The following NOC2L variants were observed in gnomAD, a reference collection of about 807,000 sequenced individuals.
The protein encoded by NOC2L is NOC2 like nucleolar associated transcriptional repressor.
NOC2L carries 101 observed loss-of-function variants against 94.2 expected under a neutral mutation model. The ratio of observed to expected loss-of-function variants is 1.07; its 90% CI spans 0.91 to 1.26. The LOEUF (loss-of-function observed/expected upper bound fraction) is 1.26, where lower values mean the gene tolerates loss of function less well. NOC2L is among the 50% of genes most tolerant of loss of function. The pLI, the probability that NOC2L is intolerant of heterozygous loss-of-function variation, is 0.00. For missense variants in NOC2L, 1,076 were observed against 980.1 expected (o/e 1.10, Z -1.31); for synonymous variants, 531 against 413.4 (o/e 1.28, Z -3.45).
At chr1:945,695 G>A (rs1191279052) in intron 16 of NOC2L, 42 bp from the exon 17 acceptor site, 10 of 1,613,700 alleles carry the variant, frequency 6.2e-6, no homozygotes, top group South Asian at 1.1e-5. Context: ...AGAGAGGGCA[G>A]GGGCTGGCGG....
chr1:948,352 G>A (rs1433897492), intron 13 of NOC2L, 120 bp from the exon 14 acceptor site: 1 of 1,057,402 alleles, frequency 9.5e-7, no homozygotes, highest in African/African-American at 1.6e-5. Flanking sequence ...CAAGGAAGGG[G>A]CTCCTGGGCC....
Position 953,801 on chromosome 1 carries a change from T to C in NOC2L, c.869A>G (p.Gln290Arg), listed in dbSNP as rs751223299. The stretch of plus-strand genomic sequence containing the variant: ...ACGAACCTTGAGCAGCATGCGGCAC[T>C]GCTTGGGGAAGGTCAGGAAGCAGGG... ...LVPCFLTFPK[Q>R]CRMLLKRMVI... Residue 290 changes from glutamine to arginine, a missense_variant, in exon 8 of 19, where the codon CAG (glutamine) becomes CGG (arginine). This residue lies in a region of NOC2L where 457 missense variants were observed against 386.0 expected (regional missense o/e 1.18). Transcript: ENST00000327044. 26 of 1,612,536 alleles carry C rather than the reference T, an allele frequency of 1.6e-5. No individual in the cohort carries two copies. The highest frequency in any genetic ancestry group is 2.0e-5 in the Non-Finnish European group (24 of 1,179,886).
chr1:958,669 C>A, intron 2 of NOC2L: 2 of 673,928 alleles, frequency 3.0e-6, no homozygotes, highest in Non-Finnish European at 5.5e-6. Flanking sequence ...GTGATTTCAC[C>A]CAAGAACGTG....
At chr1:955,831 G>T in intron 6 of NOC2L, 92 bp downstream of exon 6, 1 of 1,090,210 alleles carries the variant, frequency 9.2e-7, no homozygotes, top group Non-Finnish European at 1.4e-6. Flanking sequence ...CTGTTGCCAT[G>T]TCTCTGTCCT....
chr1:948,729 C>CCCTTTGGCCCTGCACCTGGCTGGA lies in NOC2L; in HGVS notation c.1444-127_1444-126insTCCAGCCAGGTGCAGGGCCAAAGG, dbSNP rs1409697448. ...CTGGCTGCACCCTGGTCACCCTGGT[C>CCCTTTGGCCCTGCACCTGGCTGGA]CTCAGGCTTCAGCACGAGGAGACCC... is the stretch of plus-strand genomic sequence containing the variant. On this transcript the variant is annotated intron_variant, in intron 12 of 18. Coordinates refer to ENST00000327044, the MANE Select transcript of NOC2L (RefSeq NM_015658.4). 6.6e-5 allele frequency: 44 copies of CCCTTTGGCCCTGCACCTGGCTGGA among 663,064 alleles called. 3 individuals carry two copies. Among genetic ancestry groups the CCCTTTGGCCCTGCACCTGGCTGGA allele is most frequent in the Non-Finnish European group, 8.7e-5 (32 of 369,454 alleles). 41.1% of individuals were successfully genotyped at this position (663,064 alleles called of 1,614,324 possible). A position where few individuals can be genotyped will look rare whatever the true frequency, so the allele number is the denominator to read the frequency against.
intron 14 of NOC2L, chr1:946,824 G>A: frequency 3.2e-6 from 1 of 313,358 alleles, no homozygotes; most frequent in Non-Finnish European, 6.0e-6. Flanking sequence ...TTGGGAGGCT[G>A]AGGCGGGTGG....
Position 944,380 on chromosome 1 carries a change from G to A in NOC2L, c.*314C>T, listed in dbSNP as rs1215244536. ...TCTGCAGACGGAGGGCAGAGGTGGT[G>A]GAAGGGGCCAGGGGCCTGCAGGCCT... On this transcript the variant is annotated 3_prime_UTR_variant, in exon 19 of 19. Transcript: ENST00000327044. 6.7e-6 allele frequency: 9 copies of A among 1,339,554 alleles called. No individual in the cohort carries two copies. The highest frequency in any genetic ancestry group is 2.7e-4 in the Middle Eastern group (1 of 3,686). The allele number at this position is 1,339,554 out of a possible 1,614,324, so 83.0% of individuals were successfully genotyped here.
rs1426971270 is a variant in NOC2L at position 959,203 on chromosome 1, C to T, written c.26+12G>A. 2 of 1,610,554 alleles carry T rather than the reference C, an allele frequency of 1.2e-6. No homozygotes were observed. Among genetic ancestry groups the T allele is most frequent in the South Asian group, 1.1e-5 (1 of 90,850 alleles). ...CCGGGAGGCCAAATCGGCCCTCGGA[C>T]CCGCGGCTTACCTCTTGCGGCTCCC... On this transcript the variant is annotated intron_variant, in intron 1 of 18. Transcript: ENST00000327044.
rs754811608 is a variant in NOC2L at position 946,460 on chromosome 1, G to A, written c.1745C>T (p.Ala582Val). The A allele has an allele frequency of 6.2e-7, 1 of 1,613,304 alleles. No individual in the cohort carries two copies. The highest frequency in any genetic ancestry group is 1.1e-5 in the South Asian group (1 of 91,088). The change falls in exon 15 of 19, where the codon GCA (alanine) becomes GTA (valine). Residue 582 changes from alanine (A) to valine (V), a missense_variant. By Grantham distance (64) the Ala-to-Val change is moderately conservative. Around this residue, in one of 3 missense-constraint regions of NOC2L, gnomAD observed 615 missense variants for 577.4 expected, o/e 1.07. Coordinates refer to ENST00000327044, the MANE Select transcript of NOC2L (RefSeq NM_015658.4). Reference sequence around the variant, plus strand: ...CCTCTGGCGGCGGCTGCAGATGTATGCCGAGTTCTCCTGAACCTTCCCAAG... The same window carrying A: ...CCTCTGGCGGCGGCTGCAGATGTATACCGAGTTCTCCTGAACCTTCCCAAG... Reference protein sequence around the residue: ...QLLGKVQENSAYICSRRQRVS... With the variant: ...QLLGKVQENSVYICSRRQRVS...
Position 945,627 on chromosome 1 carries a change from G to C in NOC2L, c.1944C>G (p.Ile648Met), listed in dbSNP as rs750377234. ...TCCTGTCAGCCATCTTCCTTCGTTTGATCTCAGGGAAGTTCAGGTCTTCCA... is the reference window on the plus strand; with the variant it reads ...TCCTGTCAGCCATCTTCCTTCGTTTCATCTCAGGGAAGTTCAGGTCTTCCA... ...ERLEDLNFPE[I>M]KRRKMADRKD... Residue 648 changes from isoleucine (I) to methionine (M), a missense_variant, in exon 17 of 19, where the codon ATC becomes ATG. Physicochemically the swap from Ile to Met is conservative, Grantham distance 10. Coordinates refer to ENST00000327044, the MANE Select transcript of NOC2L (RefSeq NM_015658.4). 3 of 1,614,186 alleles carry C rather than the reference G, an allele frequency of 1.9e-6. No individual in the cohort carries two copies. Among genetic ancestry groups the C allele is most frequent in the East Asian group, 4.5e-5 (2 of 44,894 alleles).
chr1:949,613 G>A (rs926072448), intron 12 of NOC2L, among the ~76,000 whole-genome samples: 1 of 152,256 alleles, frequency 6.6e-6, no homozygotes, highest in African/African-American at 2.4e-5. Context: ...CAGTGCACAA[G>A]TGAAGAAACA....
At chr1:944,840 C>T (rs1304331731) in intron 18 of NOC2L, 40 bp from the exon 19 acceptor site, 2 of 1,424,368 alleles carry the variant, frequency 1.4e-6, no homozygotes, top group Non-Finnish European at 1.9e-6. Flanking sequence ...TTTGCTTTAT[C>T]AGGAAGAAGC....
chr1:952,295 G>C, intron 10 of NOC2L, 117 bp downstream of exon 10: 3 of 1,425,416 alleles, frequency 2.1e-6, no homozygotes, highest in Non-Finnish European at 2.9e-6. Flanking sequence ...CTGCACCAGG[G>C]TGCTGGGCTG....
chr1:950,459 G>C (rs1357948473), intron 12 of NOC2L, among the ~76,000 whole-genome samples: 1 of 151,642 alleles, frequency 6.6e-6, no homozygotes, highest in Admixed American at 6.6e-5. Flanking sequence ...ACACACGCAT[G>C]TGCATGCATA....
intron 17 of NOC2L, 90 bp from the exon 18 acceptor site, chr1:945,236 C>T: frequency 3.4e-6 from 5 of 1,456,176 alleles, no homozygotes; most frequent in Non-Finnish European, 4.6e-6. Flanking sequence ...GCCAGGCTCC[C>T]AACACCCTTC....
At chr1:946,367 GC>G (rs1642114395) in intron 15 of NOC2L, 34 bp downstream of exon 15, 2 of 1,613,296 alleles carry the variant, frequency 1.2e-6, no homozygotes, top group Non-Finnish European at 1.7e-6. Flanking sequence ...CCTGGCAGGT[GC>G]CCTCAGGTGG....
rs1374958469 is a variant in NOC2L at position 956,114 on chromosome 1, G to C, written c.588C>G (p.Phe196Leu). The change falls in exon 5 of 19, where the codon TTC becomes TTG. Residue 196 changes from phenylalanine (F) to leucine (L), a missense_variant. By Grantham distance (22) the Phe-to-Leu change is conservative. Around this residue, in one of 3 missense-constraint regions of NOC2L, gnomAD observed 457 missense variants for 386.0 expected, o/e 1.18. Coordinates refer to ENST00000327044, the MANE Select transcript of NOC2L (RefSeq NM_015658.4). ...GDQESAEANK[F>L]QVTDSAAFNA... is the part of the protein sequence containing the mutation. ...GCTCACCAGCACTGTCCGTGACCTG[G>C]AATTTGTTGGCCTCAGCACTTTCCT... is the stretch of plus-strand genomic sequence containing the variant. 3 of 1,614,066 alleles carry C rather than the reference G, an allele frequency of 1.9e-6. No homozygotes were observed. Among genetic ancestry groups the C allele is most frequent in the Non-Finnish European group, 2.5e-6 (3 of 1,180,038 alleles).
At chr1:945,710 A>G in intron 16 of NOC2L, 57 bp from the exon 17 acceptor site, 1 of 1,612,292 alleles carries the variant, frequency 6.2e-7, no homozygotes, top group Non-Finnish European at 8.5e-7. Context: ...TGGCGGCCAC[A>G]GCAGGGCCAG....
chr1:955,690 C>G (rs777038327), intron 6 of NOC2L, among the ~76,000 whole-genome samples: 14 of 152,252 alleles, frequency 9.2e-5, no homozygotes, highest in Non-Finnish European at 1.8e-4. Context: ...TTCTGAGACT[C>G]TGAGCAGACA....
Sources: gnomAD v4.1 joint callset for allele counts (sites outside exome capture counted in the v4.1 genomes callset) on GRCh38, gnomAD v4.1.1 for gene constraint, gnomAD v4.1.1 regional missense constraint, MANE v1.5 for transcripts, NCBI Gene and HGNC (gene_info 2026-07-23, HGNC 2026-07-21) for gene names.